The following MAPKAPK5 variants were observed in gnomAD, a reference collection of about 807,000 sequenced individuals.
MAPKAPK5 encodes the protein MAPK activated protein kinase 5.
Under a neutral mutation model 65.1 loss-of-function variants are expected in MAPKAPK5, and 30 were observed. The ratio of observed to expected loss-of-function variants is 0.46; its 90% CI spans 0.34 to 0.63. The LOEUF (loss-of-function observed/expected upper bound fraction) is 0.63, where lower values mean the gene tolerates loss of function less well. Ranked by LOEUF, MAPKAPK5 falls within the 20% of genes least tolerant of loss-of-function variation. The probability of loss-of-function intolerance (pLI) is 0.01; values close to 1 mark genes in which losing one functional copy is unlikely to be tolerated. For missense variants in MAPKAPK5, 433 were observed against 581.4 expected, an observed-to-expected ratio of 0.74 and a Z score of 2.63; for synonymous variants, 179 against 204.6, an observed-to-expected ratio of 0.87 and a Z score of 1.07.
rs770615564 is a variant in MAPKAPK5 at position 111,888,916 on chromosome 12, G to T, written c.1132G>T (p.Asp378Tyr). 4 of 1,613,550 alleles carry T rather than the reference G, an allele frequency of 2.5e-6. No homozygotes were observed. In the Admixed American group the frequency reaches 5.0e-5, roughly 20 times the overall value. ...GCCAAAGGACAGTGTCTATATCCAC[G>T]ACCATGAGAATGGAGCCGAGGATTC... ...TKPKDSVYIH[D>Y]HENGAEDSNV... Residue 378 changes from aspartate to tyrosine, a missense_variant, in exon 12 of 14, where the codon GAC (aspartate) becomes TAC (tyrosine). Physicochemically the swap from Asp to Tyr is radical, Grantham distance 160. Coordinates refer to ENST00000550735, the MANE Select transcript of MAPKAPK5 (RefSeq NM_003668.4).
At chr12:111,885,577 C>T (rs781521170) in intron 9 of MAPKAPK5, 10 of 193,578 alleles carry the variant, frequency 5.2e-5, no homozygotes, top group Non-Finnish European at 8.4e-5. Flanking sequence ...AAGTTAAAGC[C>T]CATTGTCCTA....
At chr12:111,872,270 A>G (rs1050054372) in intron 7 of MAPKAPK5, among the ~76,000 whole-genome samples, 2 of 152,106 alleles carry the variant, frequency 1.3e-5, no homozygotes, top group Non-Finnish European at 2.9e-5. Context: ...CTAACGCCTC[A>G]TGCTTGTTGC....
chr12:111,888,407 T>C, intron 10 of MAPKAPK5, 81 bp from the exon 11 acceptor site: 1 of 1,559,256 alleles, frequency 6.4e-7, no homozygotes, highest in Non-Finnish European at 8.7e-7. Context: ...TACTTTGAGC[T>C]TTTCCTTTCC....
Position 111,870,257 on chromosome 12 carries a change from G to A in MAPKAPK5, c.394-14G>A. ...TTTTCTAAGAAGCGACTGTTTCATT[G>A]TGTCTTTTTTCAGATAGCTTTGGCT... On this transcript the variant is annotated splice_polypyrimidine_tract_variant and intron_variant, in intron 5 of 13. Transcript: ENST00000550735. The A allele has an allele frequency of 6.3e-7, 1 of 1,579,388 alleles. No individual in the cohort carries two copies. The highest frequency in any genetic ancestry group is 1.1e-5 in the South Asian group (1 of 88,850).
intron 3 of MAPKAPK5, among the ~76,000 whole-genome samples, chr12:111,866,579 A>G (rs1174694363): frequency 6.6e-6 from 1 of 152,240 alleles, no homozygotes. Flanking sequence ...TATAAAAGTG[A>G]TGCTACAGGA....
In MAPKAPK5 at chr12:111,892,993, C is replaced by A. The variant is rs1010565030; in HGVS notation, c.1348C>A (p.Arg450=). The A allele has an allele frequency of 6.3e-7, 1 of 1,579,370 alleles. No homozygotes were observed. The highest frequency in any genetic ancestry group is 1.8e-5 in the Admixed American group (1 of 55,132). ...NGRGFTDKVD[R]LKLAEIVKQV... is the part of the protein sequence containing the mutation. ...TCGTGGATTCACAGATAAAGTAGAT[C>A]GACTAAAACTGGCAGAAATTGTGAA... The change falls in exon 14 of 14, where the codon CGA becomes AGA. Residue 450 remains arginine, a synonymous_variant. Transcript: ENST00000550735.
chr12:111,890,560 T>A (rs1357919083), intron 13 of MAPKAPK5, among the ~76,000 whole-genome samples: 1 of 152,152 alleles, frequency 6.6e-6, no homozygotes, highest in Non-Finnish European at 1.5e-5. Context: ...CTGCTTGGCT[T>A]AGAGAAGAGC....
intron 7 of MAPKAPK5, among the ~76,000 whole-genome samples, chr12:111,872,147 T>C (rs1345265377): frequency 6.6e-6 from 1 of 152,240 alleles, no homozygotes; most frequent in African/African-American, 2.4e-5. Context: ...AACACTTCTT[T>C]TACAGTTTTT....
In MAPKAPK5 at chr12:111,893,114, T is replaced by C. The variant is rs2070682804; in HGVS notation, c.*53T>C. ...CAATTTGAAAAATTATTCTTTAATGTATAAAGTAATTTTATGTAAATTAAT... is the reference window on the plus strand; with the variant it reads ...CAATTTGAAAAATTATTCTTTAATGCATAAAGTAATTTTATGTAAATTAAT... On this transcript the variant is annotated 3_prime_UTR_variant, in exon 14 of 14. Coordinates refer to ENST00000550735, the MANE Select transcript of MAPKAPK5 (RefSeq NM_003668.4). 1 of 1,238,092 alleles carries C rather than the reference T, an allele frequency of 8.1e-7. No individual in the cohort carries two copies. Among genetic ancestry groups the C allele is most frequent in the Non-Finnish European group, 1.1e-6 (1 of 888,744 alleles). 76.7% of individuals were successfully genotyped at this position (1,238,092 alleles called of 1,614,324 possible). A position where few individuals can be genotyped will look rare whatever the true frequency, so the allele number is the denominator to read the frequency against.
intron 13 of MAPKAPK5, among the ~76,000 whole-genome samples, chr12:111,890,826 T>G (rs1007857560): frequency 6.6e-6 from 1 of 151,808 alleles, no homozygotes; most frequent in African/African-American, 2.4e-5. Context: ...CCCAGCTAAT[T>G]TTTGTATTTT....
chr12:111,888,576 A>G lies in MAPKAPK5; in HGVS notation c.1058A>G (p.His353Arg). 1 of 1,613,960 alleles carries G rather than the reference A, an allele frequency of 6.2e-7. No homozygotes were observed. The highest frequency in any genetic ancestry group is 8.5e-7 in the Non-Finnish European group (1 of 1,179,878). ...QDLKVSLKPL[H>R]SVNNPILRKR... ...CTGAAAGTCAGCCTCAAACCCCTGCACTCAGTGAACAACCCCATTCTGCGG... is the reference window on the plus strand; with the variant it reads ...CTGAAAGTCAGCCTCAAACCCCTGCGCTCAGTGAACAACCCCATTCTGCGG... The change falls in exon 11 of 14, where the codon CAC becomes CGC. Residue 353 changes from histidine to arginine, a missense_variant. Physicochemically the swap from His to Arg is conservative, Grantham distance 29. Around this residue, in one of 3 missense-constraint regions of MAPKAPK5, gnomAD observed 169 missense variants for 215.6 expected, o/e 0.78. Coordinates refer to ENST00000550735, the MANE Select transcript of MAPKAPK5 (RefSeq NM_003668.4).
chr12:111,876,311 A>C (rs2069967588), intron 7 of MAPKAPK5, among the ~76,000 whole-genome samples: 1 of 151,686 alleles, frequency 6.6e-6, no homozygotes, highest in Non-Finnish European at 1.5e-5. Flanking sequence ...GGGTGGAAGG[A>C]GGGTGAGGAT....
chr12:111,887,814 TACAC>T (rs58382752), intron 10 of MAPKAPK5: 41,576 of 144,798 alleles, frequency 0.29, 7,605 homozygotes, highest in Non-Finnish European at 0.4. Context: ...TTTTCTGGGA[TACAC>T]ACACACACAC....
At chr12:111,874,395 CAA>C (rs76757649) in intron 7 of MAPKAPK5, among the ~76,000 whole-genome samples, 4 of 121,184 alleles carry the variant, frequency 3.3e-5, no homozygotes, top group Admixed American at 8.1e-5. Flanking sequence ...AACTGCGTCT[CAA>C]AAAAAAAAAA....
At chr12:111,885,843 C>T (rs2070383085) in intron 9 of MAPKAPK5, 73 bp from the exon 10 acceptor site, 1 of 1,596,950 alleles carries the variant, frequency 6.3e-7, no homozygotes, top group South Asian at 1.1e-5. Flanking sequence ...CTGTTTAGAG[C>T]CAGGTCCAGG....
intron 11 of MAPKAPK5, 58 bp from the exon 12 acceptor site, chr12:111,888,827 T>C: frequency 6.3e-7 from 1 of 1,598,636 alleles, no homozygotes; most frequent in Non-Finnish European, 8.5e-7. Flanking sequence ...GTAATATCTG[T>C]CCAGAGTTGG....
intron 9 of MAPKAPK5, among the ~76,000 whole-genome samples, chr12:111,884,998 A>T (rs921388110): frequency 7.9e-5 from 12 of 152,224 alleles, no homozygotes; most frequent in African/African-American, 2.9e-4. Flanking sequence ...CTGTCTTGAC[A>T]TGCTATTTCC....
intron 7 of MAPKAPK5, among the ~76,000 whole-genome samples, chr12:111,871,925 A>C (rs2069798350): frequency 6.6e-6 from 1 of 152,246 alleles, no homozygotes; most frequent in African/African-American, 2.4e-5. Flanking sequence ...GAAGAATTTC[A>C]GAAAAATGTA....
Position 111,898,145 on chromosome 12 carries a change from C to G in MAPKAPK5, c.*5084C>G, listed in dbSNP as rs2070882044. The G allele has an allele frequency of 6.6e-6, 1 of 151,788 alleles. No individual in the cohort carries two copies. Among genetic ancestry groups the G allele is most frequent in the African/African-American group, 2.4e-5 (1 of 41,312 alleles). 9.4% of individuals were successfully genotyped at this position (151,788 alleles called of 1,614,324 possible). A position where few individuals can be genotyped will look rare whatever the true frequency, so the allele number is the denominator to read the frequency against. On this transcript the variant is annotated 3_prime_UTR_variant, in exon 14 of 14. Transcript: ENST00000550735. ...TCTTGATGAAATGTTAACTAGACAC[C>G]TGGTTAGTCAGCTTTTATTTTGACC...
Sources: gnomAD v4.1 joint callset for allele counts (sites outside exome capture counted in the v4.1 genomes callset) on GRCh38, gnomAD v4.1.1 for gene constraint, gnomAD v4.1.1 regional missense constraint, MANE v1.5 for transcripts, NCBI Gene and HGNC (gene_info 2026-07-23, HGNC 2026-07-21) for gene names.